OPCML: variants seen among roughly 807,000 people sequenced by gnomAD.
OPCML encodes opioid binding protein/cell adhesion molecule like, also known as opioid-binding protein/cell adhesion molecule.
OPCML carries 13 observed loss-of-function variants against 37.8 expected under a neutral mutation model. The ratio of observed to expected loss-of-function variants is 0.34; its 90% CI spans 0.22 to 0.55. The LOEUF is 0.55. OPCML is among the 20% of genes least tolerant of loss of function. The probability of loss-of-function intolerance (pLI) is 0.91; values close to 1 mark genes in which losing one functional copy is unlikely to be tolerated. For synonymous variants in OPCML, 176 were observed against 168.8 expected, an observed-to-expected ratio of 1.04 and a Z score of -0.33; for missense variants, 341 against 435.6, an observed-to-expected ratio of 0.78 and a Z score of 1.93.
rs547554486 is a variant in OPCML at position 132,856,054 on chromosome 11, G to T, written c.146+86872C>A. 2.6e-4 allele frequency among the ~76,000 whole-genome samples: 39 copies of T among 152,300 alleles called. No homozygotes were observed. The South Asian group carries it at 7.9e-3, about 31-fold the overall frequency. Reference sequence around the variant, plus strand: ...TTGCTTCTCTAAGGAGGAGTGCTTTGACTATAAGACACTCGAATGCCAATA... The same window carrying T: ...TTGCTTCTCTAAGGAGGAGTGCTTTTACTATAAGACACTCGAATGCCAATA... On this transcript the variant is annotated intron_variant, in intron 2 of 7. Transcript: ENST00000524381.
At chr11:132,627,907 G>A (rs1239587351) in intron 3 of OPCML, among the ~76,000 whole-genome samples, 1 of 152,162 alleles carries the variant, frequency 6.6e-6, no homozygotes, top group Non-Finnish European at 1.5e-5. Context: ...AAGTGGAGGT[G>A]GAGCTTGAAC....
At chr11:132,990,343 G>T (rs573656725) in intron 1 of OPCML, among the ~76,000 whole-genome samples, 1 of 152,186 alleles carries the variant, frequency 6.6e-6, no homozygotes, top group Non-Finnish European at 1.5e-5. Flanking sequence ...CTCCTATAGC[G>T]TCAATCTCAG....
intron 1 of OPCML, among the ~76,000 whole-genome samples, chr11:133,293,299 A>G (rs1167279466): frequency 1.3e-5 from 2 of 152,080 alleles, no homozygotes; most frequent in Non-Finnish European, 2.9e-5. Flanking sequence ...ACCCTCTGTG[A>G]CCTAGGAGGT....
In OPCML at chr11:133,238,755, C is replaced by T. The variant is rs546072001; in HGVS notation, c.61+293509G>A. Among the ~76,000 whole-genome samples the T allele has an allele frequency of 3.9e-5, 6 of 152,326 alleles. No individual in the cohort carries two copies. The East Asian group carries it at 5.8e-4, about 15-fold the overall frequency. ...AGACTCTCATCAGAGGCTACCCCTC[C>T]CAGTCCTTCGGGGAAAAAAACGACA... On this transcript the variant is annotated intron_variant, in intron 1 of 7. Coordinates refer to ENST00000524381, the MANE Select transcript of OPCML (RefSeq NM_001012393.5).
intron 2 of OPCML, among the ~76,000 whole-genome samples, chr11:132,758,399 T>C (rs1423835441): frequency 1.3e-5 from 2 of 152,208 alleles, no homozygotes; most frequent in African/African-American, 4.8e-5. Flanking sequence ...TTGGGCAGTA[T>C]GGCCATTTTC....
intron 3 of OPCML, among the ~76,000 whole-genome samples, chr11:132,581,684 A>T (rs1034746616): frequency 6.6e-6 from 1 of 152,194 alleles, no homozygotes; most frequent in Non-Finnish European, 1.5e-5. Flanking sequence ...TTTCTTATGA[A>T]TAACCCTAAC....
intron 1 of OPCML, among the ~76,000 whole-genome samples, chr11:133,460,399 G>C (rs1412665766): frequency 2.6e-5 from 4 of 151,690 alleles, no homozygotes; most frequent in Non-Finnish European, 4.4e-5. Context: ...AAAGACAATA[G>C]AGAAAATCAG....
At chr11:133,287,358 C>T (rs1473168160) in intron 1 of OPCML, among the ~76,000 whole-genome samples, 1 of 146,606 alleles carries the variant, frequency 6.8e-6, no homozygotes, top group Admixed American at 6.8e-5. Flanking sequence ...GGGCTCCTCT[C>T]ACCTTGGCCT....
intron 2 of OPCML, among the ~76,000 whole-genome samples, chr11:132,704,738 T>A (rs1591489551): frequency 6.6e-6 from 1 of 152,236 alleles, no homozygotes. Flanking sequence ...ATGGTAAGAC[T>A]GTTTTTAATT....
At chr11:132,697,966 A>T (rs11821547) in intron 2 of OPCML, among the ~76,000 whole-genome samples, 4,244 of 147,198 alleles carry the variant, frequency 0.029, 210 homozygotes, top group African/African-American at 0.1. Flanking sequence ...AATTTATTTT[A>T]TTTTATTTTC....
chr11:133,345,422 A>C (rs1421035113), intron 1 of OPCML, among the ~76,000 whole-genome samples: 1 of 152,224 alleles, frequency 6.6e-6, no homozygotes, highest in Non-Finnish European at 1.5e-5. Context: ...ATATTTCCCA[A>C]ACATATTTAT....
intron 1 of OPCML, among the ~76,000 whole-genome samples, chr11:133,471,677 A>C (rs1249971367): frequency 6.6e-6 from 1 of 152,256 alleles, no homozygotes; most frequent in African/African-American, 2.4e-5. Flanking sequence ...TACTTACAGC[A>C]TATTTTACGG....
intron 1 of OPCML, among the ~76,000 whole-genome samples, chr11:133,044,860 G>T (rs930853362): frequency 2.6e-5 from 4 of 152,094 alleles, no homozygotes; most frequent in African/African-American, 9.7e-5. Flanking sequence ...ACAGATTCAT[G>T]AAACCCTGGT....
intron 2 of OPCML, among the ~76,000 whole-genome samples, chr11:132,871,427 C>G (rs1942790441): frequency 6.6e-6 from 1 of 152,114 alleles, no homozygotes; most frequent in Non-Finnish European, 1.5e-5. Flanking sequence ...AGACTTTTGT[C>G]ATTATTCCCT....
intron 3 of OPCML, among the ~76,000 whole-genome samples, chr11:132,598,705 T>G (rs770209692): frequency 6.6e-6 from 1 of 152,164 alleles, no homozygotes; most frequent in Non-Finnish European, 1.5e-5. Flanking sequence ...GCCTCTGAAT[T>G]TAATACAAAT....
chr11:133,278,092 C>A (rs1370919338), intron 1 of OPCML, among the ~76,000 whole-genome samples: 1 of 152,162 alleles, frequency 6.6e-6, no homozygotes, highest in Non-Finnish European at 1.5e-5. Flanking sequence ...GTCTGGATAT[C>A]CGTTGTCCCA....
intron 2 of OPCML, among the ~76,000 whole-genome samples, chr11:132,712,585 C>T (rs1393080976): frequency 1.3e-5 from 2 of 152,188 alleles, no homozygotes; most frequent in Non-Finnish European, 2.9e-5. Flanking sequence ...ATTAAGAAGA[C>T]GCAGTGCCGG....
chr11:132,540,285 G>A (rs1027870146), intron 3 of OPCML, among the ~76,000 whole-genome samples: 2 of 152,138 alleles, frequency 1.3e-5, no homozygotes, highest in African/African-American at 4.8e-5. Context: ...CTCGACCGGG[G>A]ATCCTTATAA....
chr11:132,575,678 G>A (rs1395390326), intron 3 of OPCML, among the ~76,000 whole-genome samples: 1 of 151,752 alleles, frequency 6.6e-6, no homozygotes, highest in Non-Finnish European at 1.5e-5. Flanking sequence ...TACCATTACA[G>A]TAATACAGTA....
Sources: allele counts gnomAD v4.1 joint callset (sites outside exome capture counted in the v4.1 genomes callset), GRCh38; gene constraint gnomAD v4.1.1; transcripts MANE v1.5; gene names NCBI Gene and HGNC (gene_info 2026-07-23, HGNC 2026-07-21).